Variants in ADAMTSL1 observed in about 807,000 individuals in gnomAD.
The protein encoded by ADAMTSL1 is ADAMTS like 1.
A neutral mutation model predicts 201.8 loss-of-function variants in ADAMTSL1; 126 were observed. That is an observed-to-expected ratio of 0.62 (90% CI 0.54 to 0.72). The LOEUF (loss-of-function observed/expected upper bound fraction) is 0.72. ADAMTSL1 is among the 30% of genes least tolerant of loss of function. The pLI, the probability that ADAMTSL1 is intolerant of heterozygous loss-of-function variation, is 0.00. For synonymous variants in ADAMTSL1, 1,121 were observed against 903.4 expected (o/e 1.24, Z -4.32); for missense variants, 2,679 against 2,277.8 (o/e 1.18, Z -3.59).
At chr9:18,447,668 A>G (rs1404182799) in intron 2 of ADAMTSL1, among the ~76,000 whole-genome samples, 1 of 152,226 alleles carries the variant, frequency 6.6e-6, no homozygotes, top group Non-Finnish European at 1.5e-5. Flanking sequence ...ACACTGCTAA[A>G]GAGTCCTCAG....
chr9:18,195,504 G>A (rs538928923), intron 2 of ADAMTSL1, among the ~76,000 whole-genome samples: 1 of 152,230 alleles, frequency 6.6e-6, no homozygotes, highest in Admixed American at 6.5e-5. Context: ...ACAAACACAA[G>A]TTGTCTGACT....
At chr9:18,210,436 A>T (rs928791167) in intron 2 of ADAMTSL1, among the ~76,000 whole-genome samples, 228 of 146,424 alleles carry the variant, frequency 1.6e-3, no homozygotes, top group Non-Finnish European at 3.0e-3. Flanking sequence ...TAAATATATT[A>T]TGTATGATAT....
At chr9:18,826,248 T>A in intron 21 of ADAMTSL1, 36 bp from the exon 22 acceptor site, 1 of 1,543,156 alleles carries the variant, frequency 6.5e-7, no homozygotes, top group Non-Finnish European at 8.7e-7. Context: ...GTTTGACTGA[T>A]GAGTGGGGTT....
chr9:18,565,266 C>T (rs1194578460), intron 3 of ADAMTSL1, among the ~76,000 whole-genome samples: 1 of 151,872 alleles, frequency 6.6e-6, no homozygotes, highest in Non-Finnish European at 1.5e-5. Context: ...TAGGGCACAC[C>T]CAAAGTTTGA....
At chr9:18,437,282 A>G (rs560279321) in intron 2 of ADAMTSL1, among the ~76,000 whole-genome samples, 60 of 152,188 alleles carry the variant, frequency 3.9e-4, no homozygotes, top group African/African-American at 1.3e-3. Context: ...CCCGTGTCCA[A>G]ATAGTCACCA....
At chr9:18,717,063 C>G (rs1832991124) in intron 14 of ADAMTSL1, among the ~76,000 whole-genome samples, 1 of 142,634 alleles carries the variant, frequency 7.0e-6, no homozygotes, top group South Asian at 2.2e-4. Context: ...AGGAAGGGAA[C>G]ATCACACTCT....
At chr9:18,278,260 T>G (rs934018817) in intron 2 of ADAMTSL1, among the ~76,000 whole-genome samples, 3 of 152,234 alleles carry the variant, frequency 2.0e-5, no homozygotes, top group Non-Finnish European at 2.9e-5. Context: ...TATACTTTCA[T>G]GTGTTTCATA....
At chr9:18,099,669 G>A (rs1198978170) in intron 1 of ADAMTSL1, among the ~76,000 whole-genome samples, 5 of 125,158 alleles carry the variant, frequency 4.0e-5, no homozygotes, top group South Asian at 2.5e-4. Flanking sequence ...ATGGAGTCTC[G>A]CTCTGTTGCC....
chr9:18,527,149 A>T (rs1400605385), intron 2 of ADAMTSL1, among the ~76,000 whole-genome samples: 4 of 152,210 alleles, frequency 2.6e-5, no homozygotes, highest in African/African-American at 9.6e-5. Flanking sequence ...GCAAAAAGAA[A>T]AAAACCAGAT....
chr9:18,399,280 C>CATGTAT, intron 2 of ADAMTSL1, among the ~76,000 whole-genome samples: 1 of 31,006 alleles, frequency 3.2e-5, no homozygotes, highest in Non-Finnish European at 6.5e-5. Flanking sequence ...GTCTGCTTTA[C>CATGTAT]ATATATATAT....
rs577738559 is a variant in ADAMTSL1 at position 18,576,246 on chromosome 9, G to A, written c.474+1980G>A. Among the ~76,000 whole-genome samples, 123 of 152,092 alleles carry A rather than the reference G, an allele frequency of 8.1e-4. 1 individual carries two copies. In the Middle Eastern group the frequency reaches 0.014, roughly 17 times the overall value. Reference sequence around the variant, plus strand: ...TGTTAGAGGCAATCATGTAGTAAAGGCGATGGAAAAACAAAGATTGCATTT... The same window carrying A: ...TGTTAGAGGCAATCATGTAGTAAAGACGATGGAAAAACAAAGATTGCATTT... On this transcript the variant is annotated intron_variant, in intron 4 of 28. Coordinates refer to ENST00000380548, the MANE Select transcript of ADAMTSL1 (RefSeq NM_001040272.6).
intron 1 of ADAMTSL1, among the ~76,000 whole-genome samples, chr9:18,031,213 A>C (rs1056110484): frequency 7.2e-5 from 11 of 152,182 alleles, no homozygotes; most frequent in Non-Finnish European, 4.4e-5. Context: ...GTGAAAAAAC[A>C]CTCTGAATTT....
chr9:18,297,087 G>T (rs1833505730), intron 2 of ADAMTSL1, among the ~76,000 whole-genome samples: 3 of 152,190 alleles, frequency 2.0e-5, no homozygotes, highest in African/African-American at 4.8e-5. Flanking sequence ...ACTGGAATTT[G>T]CTGGGAAATA....
chr9:18,108,196 A>ATTT (rs5896770), intron 1 of ADAMTSL1, among the ~76,000 whole-genome samples: 2,782 of 125,486 alleles, frequency 0.022, 45 homozygotes, highest in Non-Finnish European at 0.032. Context: ...AGAGTGTGGA[A>ATTT]TTTTTTTTTT....
chr9:17,982,995 GC>G (rs1272237451), intron 1 of ADAMTSL1, among the ~76,000 whole-genome samples: 3 of 150,876 alleles, frequency 2.0e-5, no homozygotes, highest in African/African-American at 7.3e-5. Flanking sequence ...TTAGATTGGG[GC>G]TAGGCATTAG....
At chr9:18,443,189 G>A (rs1196445367) in intron 2 of ADAMTSL1, among the ~76,000 whole-genome samples, 1 of 152,114 alleles carries the variant, frequency 6.6e-6, no homozygotes, top group Admixed American at 6.5e-5. Flanking sequence ...AGTGAGCTCT[G>A]CTGCACACTC....
At chr9:18,857,433 A>G (rs1826930755) in intron 23 of ADAMTSL1, among the ~76,000 whole-genome samples, 1 of 152,138 alleles carries the variant, frequency 6.6e-6, no homozygotes, top group Admixed American at 6.5e-5. Flanking sequence ...TGATAGGCCT[A>G]TTATTTTGAA....
chr9:18,029,502 C>A (rs568095563), intron 1 of ADAMTSL1, among the ~76,000 whole-genome samples: 23 of 152,250 alleles, frequency 1.5e-4, no homozygotes, highest in Middle Eastern at 6.8e-3. Flanking sequence ...GACTTCATGT[C>A]TAAAACACCA....
Position 18,136,260 on chromosome 9 carries a change from G to A in ADAMTSL1, c.88-27602G>A, listed in dbSNP as rs988585936. ...GAGAGTCTAATTAAGAACGTCAGAGGTGTGCATTGGGATTCATTTTCATAA... is the reference window on the plus strand; with the variant it reads ...GAGAGTCTAATTAAGAACGTCAGAGATGTGCATTGGGATTCATTTTCATAA... On this transcript the variant is annotated intron_variant, in intron 1 of 29. Transcript: ENST00000680146. Among the ~76,000 whole-genome samples, 11 of 152,228 alleles carry A rather than the reference G, an allele frequency of 7.2e-5. No individual in the cohort carries two copies. In the East Asian group the frequency reaches 1.9e-3, roughly 27 times the overall value.
Sources: allele counts gnomAD v4.1 joint callset (sites outside exome capture counted in the v4.1 genomes callset), GRCh38; gene constraint gnomAD v4.1.1; transcripts MANE v1.5; gene names NCBI Gene and HGNC (gene_info 2026-07-23, HGNC 2026-07-21).